Variants in NTAQ1 observed in about 807,000 individuals in gnomAD.
NTAQ1 encodes the protein N-terminal glutamine amidase 1, also known as protein N-terminal glutamine amidohydrolase.
NTAQ1 carries 21 observed loss-of-function variants against 28.2 expected under a neutral mutation model. The ratio of observed to expected loss-of-function variants is 0.74; its 90% confidence interval spans 0.53 to 1.07. The LOEUF is 1.07. Ranked by LOEUF, NTAQ1 falls within the 50% of genes least tolerant of loss-of-function variation. The pLI is 0.00. For synonymous variants in NTAQ1, 105 were observed against 90.0 expected (o/e 1.17, Z -0.94); for missense variants, 264 against 256.6 (o/e 1.03, Z -0.20).
chr8:123,471,490 G>A (rs1370194945), downstream of NTAQ1, among the ~76,000 whole-genome samples: 4 of 152,144 alleles, frequency 2.6e-5, no homozygotes, highest in Non-Finnish European at 4.4e-5. Context: ...AGGCTGGAAA[G>A]TCCCAAGATC....
downstream of NTAQ1, among the ~76,000 whole-genome samples, chr8:123,474,299 T>A (rs1372472793): frequency 1.3e-5 from 2 of 152,202 alleles, no homozygotes; most frequent in African/African-American, 4.8e-5. Context: ...TAACTTAGTT[T>A]TTCCTTGTCT....
downstream of NTAQ1, among the ~76,000 whole-genome samples, chr8:123,446,190 G>A (rs1169388180): frequency 6.6e-6 from 1 of 151,498 alleles, no homozygotes; most frequent in Non-Finnish European, 1.5e-5. Context: ...TATTATAGTA[G>A]AGACAGAGGT....
downstream of NTAQ1, among the ~76,000 whole-genome samples, chr8:123,470,512 G>A (rs1456823637): frequency 1.3e-5 from 2 of 152,220 alleles, no homozygotes; most frequent in Non-Finnish European, 1.5e-5. Context: ...TGTGTAAGTG[G>A]AGAATAACCA....
intron 3 of NTAQ1, among the ~76,000 whole-genome samples, chr8:123,430,405 G>A (rs1482433670): frequency 1.3e-5 from 2 of 152,210 alleles, no homozygotes; most frequent in Non-Finnish European, 2.9e-5. Context: ...AGTTTGGGAG[G>A]CCAAGGTGGA....
intron 6 of NTAQ1, among the ~76,000 whole-genome samples, chr8:123,455,786 T>A (rs1292258522): frequency 2.6e-5 from 4 of 152,104 alleles, no homozygotes; most frequent in Non-Finnish European, 5.9e-5. Context: ...CTACTGCAGG[T>A]GTTCTGGGAC....
chr8:123,421,512 CT>C (rs71310677), intron 1 of NTAQ1, among the ~76,000 whole-genome samples: 146 of 133,828 alleles, frequency 1.1e-3, no homozygotes, highest in Admixed American at 1.4e-3. Flanking sequence ...TCTCTTTTTC[CT>C]TTTTTTTTTT....
intron 1 of NTAQ1, 71 bp from the exon 2 acceptor site, chr8:123,427,853 A>G: frequency 7.9e-7 from 1 of 1,259,874 alleles, no homozygotes; most frequent in Non-Finnish European, 1.1e-6. Context: ...TGTCATCATC[A>G]GTATTTTGTT....
chr8:123,449,272 G>A (rs375773701), downstream of NTAQ1, among the ~76,000 whole-genome samples: 6 of 152,306 alleles, frequency 3.9e-5, no homozygotes, highest in East Asian at 9.6e-4. Context: ...CTGTGGTTTG[G>A]ATTCTCTTTG....
rs1160550124 is a variant in NTAQ1, at chr8:123,427,944, T to G, written c.104T>G (p.Leu35Arg). 1 of 1,608,466 alleles carries G rather than the reference T, an allele frequency of 6.2e-7. No homozygotes were observed. The highest frequency in any genetic ancestry group is 1.7e-5 in the Admixed American group (1 of 59,082). The change falls in exon 2 of 6, where the codon CTC (leucine) becomes CGC (arginine). Residue 35 changes from leucine to arginine, a missense_variant. Physicochemically the swap from Leu to Arg is moderately radical, Grantham distance 102. Coordinates refer to ENST00000287387, the MANE Select transcript of NTAQ1 (RefSeq NM_018024.3). ...SCYCEENIWK[L>R]CEYIKNHDQY... ...TTCAGTGAAGAAAATATTTGGAAGC[T>G]CTGTGAATACATCAAAAACCATGAC... is the stretch of plus-strand genomic sequence containing the variant.
chr8:123,436,096 C>T (rs1042425948), intron 3 of NTAQ1, among the ~76,000 whole-genome samples: 1 of 136,352 alleles, frequency 7.3e-6, no homozygotes, highest in African/African-American at 2.8e-5. Context: ...TTGAACCCGG[C>T]AGGTGGAGGT....
intron 6 of NTAQ1, among the ~76,000 whole-genome samples, chr8:123,458,272 A>G (rs1815714203): frequency 6.6e-6 from 1 of 151,614 alleles, no homozygotes; most frequent in Non-Finnish European, 1.5e-5. Context: ...ACAACTTGAA[A>G]CAAGTATAGC....
chr8:123,449,567 C>T (rs115607337), downstream of NTAQ1, among the ~76,000 whole-genome samples: 1,098 of 152,064 alleles, frequency 7.2e-3, 13 homozygotes, highest in African/African-American at 0.024. Flanking sequence ...GTGAGTCCTG[C>T]GCTCATGGAT....
intron 6 of NTAQ1, among the ~76,000 whole-genome samples, chr8:123,455,508 C>T (rs756137800): frequency 4.4e-4 from 66 of 150,626 alleles, no homozygotes; most frequent in Non-Finnish European, 8.1e-4. Context: ...TCATTACAAC[C>T]GTCGCCTCCT....
At chr8:123,471,962 A>G (rs1816046612), downstream of NTAQ1, among the ~76,000 whole-genome samples, 1 of 152,226 alleles carries the variant, frequency 6.6e-6, no homozygotes, top group South Asian at 2.1e-4. Context: ...TTCAACCCAT[A>G]AAAGTAATAA....
chr8:123,437,815 A>C (rs932976237), intron 5 of NTAQ1, among the ~76,000 whole-genome samples: 1 of 152,164 alleles, frequency 6.6e-6, no homozygotes, highest in Admixed American at 6.5e-5. Flanking sequence ...GGCACAGAGA[A>C]TAGGACTGGA....
intron 6 of NTAQ1, among the ~76,000 whole-genome samples, chr8:123,459,878 C>A (rs942663226): frequency 6.6e-6 from 1 of 150,920 alleles, no homozygotes; most frequent in African/African-American, 2.4e-5. Context: ...CTCAGCTCAC[C>A]GCAACCTCCG....
intron 3 of NTAQ1, among the ~76,000 whole-genome samples, chr8:123,431,456 A>G (rs1430797664): frequency 6.6e-6 from 1 of 152,198 alleles, no homozygotes; most frequent in Non-Finnish European, 1.5e-5. Context: ...ATTTAAAATT[A>G]TGTATCATTT....
At chr8:123,471,341 G>A (rs1216749702), downstream of NTAQ1, among the ~76,000 whole-genome samples, 2 of 152,176 alleles carry the variant, frequency 1.3e-5, no homozygotes, top group South Asian at 2.1e-4. Flanking sequence ...TGATTTCCAA[G>A]TAAGGTCACA....
chr8:123,434,710 G>T (rs943689255), intron 3 of NTAQ1, among the ~76,000 whole-genome samples: 4 of 152,154 alleles, frequency 2.6e-5, no homozygotes, highest in East Asian at 1.9e-4. Flanking sequence ...GATTCTGGCA[G>T]GGGGTGGGAG....
Sources: allele counts gnomAD v4.1 joint callset (sites outside exome capture counted in the v4.1 genomes callset), GRCh38; gene constraint gnomAD v4.1.1; transcripts MANE v1.5; gene names NCBI Gene and HGNC (gene_info 2026-07-23, HGNC 2026-07-21).